The following SFMBT2 variants were observed in gnomAD, a reference collection of about 807,000 sequenced individuals.
SFMBT2 encodes the protein Scm like with four mbt domains 2, also known as scm-like with four MBT domains protein 2.
A neutral mutation model predicts 110.1 loss-of-function variants in SFMBT2; 38 were observed. The observed-to-expected ratio is 0.35, with a 90% CI of 0.27 to 0.45. SFMBT2 has a LOEUF of 0.45. Ranked by LOEUF, SFMBT2 falls within the 20% of genes least tolerant of loss-of-function variation. The pLI is 1.00. For missense variants in SFMBT2, 1,011 were observed against 1,094.9 expected (o/e 0.92, Z 1.08); for synonymous variants, 425 against 425.4 (o/e 1.00, Z 0.01).
At chr10:7,388,813 C>G (rs993951062) in intron 1 of SFMBT2, among the ~76,000 whole-genome samples, 1 of 152,218 alleles carries the variant, frequency 6.6e-6, no homozygotes, top group East Asian at 1.9e-4. Context: ...GGGCCCGAGC[C>G]CTGCGTGTCA....
intron 12 of SFMBT2, chr10:7,205,289 A>T: frequency 2.3e-6 from 1 of 435,372 alleles, no homozygotes; most frequent in Non-Finnish European, 3.0e-6. Flanking sequence ...ACAGTATCTC[A>T]CTATGTTGCC....
At chr10:7,216,594 T>G (rs2131639174) in intron 11 of SFMBT2, among the ~76,000 whole-genome samples, 1 of 152,298 alleles carries the variant, frequency 6.6e-6, no homozygotes, top group East Asian at 1.9e-4. Context: ...CCGAGCTATC[T>G]TGCTGTCCCC....
intron 16 of SFMBT2, among the ~76,000 whole-genome samples, chr10:7,180,295 A>AT (rs35437776): frequency 0.32 from 45,788 of 143,524 alleles, 8,270 homozygotes; most frequent in African/African-American, 0.5. Flanking sequence ...TATAGTGGTA[A>AT]TTTTTTTTTT....
chr10:7,241,262 T>C (rs1840422455), intron 9 of SFMBT2: 2 of 862,534 alleles, frequency 2.3e-6, no homozygotes, highest in African/African-American at 1.8e-5. Context: ...CAGTCTCAGG[T>C]ATGTCTTTAT....
chr10:7,275,593 C>G (rs1027842041), intron 7 of SFMBT2, among the ~76,000 whole-genome samples: 2 of 152,132 alleles, frequency 1.3e-5, no homozygotes, highest in South Asian at 4.1e-4. Flanking sequence ...GCTTCACTGT[C>G]GGTCAATATC....
At chr10:7,347,623 T>C (rs565886610) in intron 4 of SFMBT2, among the ~76,000 whole-genome samples, 9 of 152,312 alleles carry the variant, frequency 5.9e-5, no homozygotes, top group South Asian at 2.1e-4. Flanking sequence ...AGTATTCACA[T>C]GTAGGTAGCG....
At chr10:7,329,400 C>T (rs1027518377) in intron 4 of SFMBT2, 87 of 976,788 alleles carry the variant, frequency 8.9e-5, no homozygotes, top group South Asian at 1.9e-4. Context: ...CAGCCATCAG[C>T]GCAGCACAGC....
chr10:7,279,111 A>T (rs1339536040), intron 6 of SFMBT2, among the ~76,000 whole-genome samples: 2 of 151,804 alleles, frequency 1.3e-5, no homozygotes, highest in Admixed American at 1.3e-4. Flanking sequence ...ACAAGAAAAA[A>T]AAAACTTAAG....
intron 1 of SFMBT2, among the ~76,000 whole-genome samples, chr10:7,407,742 A>C (rs1284106257): frequency 6.6e-6 from 1 of 152,208 alleles, no homozygotes; most frequent in Non-Finnish European, 1.5e-5. Context: ...AAGTTTGAGA[A>C]CGGTCTCCCA....
chr10:7,385,822 A>G (rs1052767049), intron 1 of SFMBT2, among the ~76,000 whole-genome samples: 2 of 151,974 alleles, frequency 1.3e-5, no homozygotes, highest in African/African-American at 4.8e-5. Flanking sequence ...ACACGGTGAA[A>G]CCCCGTCTCT....
At chr10:7,406,143 A>T (rs1367505006) in intron 1 of SFMBT2, among the ~76,000 whole-genome samples, 3 of 152,066 alleles carry the variant, frequency 2.0e-5, no homozygotes, top group African/African-American at 7.2e-5. Context: ...CATGAACCTC[A>T]AAAGTACAGA....
chr10:7,288,193 C>T (rs930532530), intron 4 of SFMBT2, among the ~76,000 whole-genome samples: 2 of 152,192 alleles, frequency 1.3e-5, no homozygotes, highest in African/African-American at 4.8e-5. Context: ...TGCTTCATCA[C>T]TAACGTGCCT....
chr10:7,356,852 A>G (rs771359698), intron 4 of SFMBT2, among the ~76,000 whole-genome samples: 1 of 152,234 alleles, frequency 6.6e-6, no homozygotes, highest in African/African-American at 2.4e-5. Flanking sequence ...CACAGAATTC[A>G]GATAAATCAT....
rs533574690 is a variant in SFMBT2, at chr10:7,387,828, A to G, written c.-51-5879T>C. On this transcript the variant is annotated intron_variant, in intron 1 of 20. Coordinates refer to ENST00000397167, the MANE Select transcript of SFMBT2 (RefSeq NM_001387889.1). ...CTGGGTATGGTCGTGTGCACCTGTA[A>G]TCCCAGCTACTCAGGAGGCTGAGGC... 6.6e-5 allele frequency among the ~76,000 whole-genome samples: 10 copies of G among 151,742 alleles called. No homozygotes were observed. The South Asian group carries it at 1.3e-3, about 19-fold the overall frequency.
chr10:7,243,847 C>A, intron 8 of SFMBT2, 142 bp from the exon 9 acceptor site: 1 of 629,442 alleles, frequency 1.6e-6, no homozygotes. Context: ...TTTTCAATGT[C>A]CATTACTAAA....
intron 3 of SFMBT2, chr10:7,368,439 C>T: frequency 3.6e-6 from 3 of 822,270 alleles, no homozygotes; most frequent in Non-Finnish European, 4.4e-6. Flanking sequence ...CATTGCAAAG[C>T]TGACATATCC....
At chr10:7,371,840 C>T (rs963856265) in intron 2 of SFMBT2, among the ~76,000 whole-genome samples, 6 of 151,704 alleles carry the variant, frequency 4.0e-5, no homozygotes, top group Non-Finnish European at 8.8e-5. Flanking sequence ...ATATCCGATC[C>T]TATCAGATAG....
At chr10:7,376,850 G>C (rs1352644547) in intron 2 of SFMBT2, among the ~76,000 whole-genome samples, 1 of 71,496 alleles carries the variant, frequency 1.4e-5, no homozygotes, top group Non-Finnish European at 2.6e-5. Flanking sequence ...GGGGTGGACA[G>C]TGGCAAAAAA....
chr10:7,275,543 G>A (rs1358859481), intron 7 of SFMBT2, among the ~76,000 whole-genome samples: 1 of 152,158 alleles, frequency 6.6e-6, no homozygotes, highest in Non-Finnish European at 1.5e-5. Context: ...GATTTGGTCA[G>A]TGAGGCAAAA....
Sources: gnomAD v4.1 joint callset for allele counts (sites outside exome capture counted in the v4.1 genomes callset) on GRCh38, gnomAD v4.1.1 for gene constraint, MANE v1.5 for transcripts, NCBI Gene and HGNC (gene_info 2026-07-23, HGNC 2026-07-21) for gene names.